The following UBXN7 variants were observed in gnomAD, a reference collection of about 807,000 sequenced individuals.
The protein encoded by UBXN7 is UBX domain-containing protein 7.
In UBXN7, 9 loss-of-function variants were observed where a neutral mutation model predicts 58.0. The ratio of observed to expected loss-of-function variants is 0.16; its 90% CI spans 0.09 to 0.27. The LOEUF is 0.27. Ranked by LOEUF, UBXN7 falls within the 10% of genes least tolerant of loss-of-function variation. UBXN7 has a pLI of 1.00. For missense variants in UBXN7, 328 were observed against 599.6 expected, an observed-to-expected ratio of 0.55 and a Z score of 4.73; for synonymous variants, 208 against 205.0, an observed-to-expected ratio of 1.01 and a Z score of -0.12.
chr3:196,397,019 T>C (rs1277890168), intron 3 of UBXN7, among the ~76,000 whole-genome samples: 1 of 152,134 alleles, frequency 6.6e-6, no homozygotes, highest in Non-Finnish European at 1.5e-5. Context: ...CTAATAACCC[T>C]CTTCCCATTT....
intron 5 of UBXN7, among the ~76,000 whole-genome samples, chr3:196,386,900 C>T (rs570967586): frequency 6.6e-6 from 1 of 152,240 alleles, no homozygotes; most frequent in Non-Finnish European, 1.5e-5. Flanking sequence ...GCCCACATTG[C>T]CAAGACAATC....
rs548793968 is a variant in UBXN7 at position 196,385,655 on chromosome 3, G to A, written c.468+6158C>T. Among the ~76,000 whole-genome samples, 23 of 151,182 alleles carry A rather than the reference G, an allele frequency of 1.5e-4. No homozygotes were observed. The East Asian group carries it at 4.3e-3, about 28-fold the overall frequency. On this transcript the variant is annotated intron_variant, in intron 5 of 10. Coordinates refer to ENST00000296328, the MANE Select transcript of UBXN7 (RefSeq NM_015562.2). The stretch of plus-strand genomic sequence containing the variant: ...AGGTGAGGAGCCTCTCTGACCGGCC[G>A]CCCCCTCTGAGAAGTGAGGAGCCCC...
chr3:196,378,578 G>GT (rs1325427931), intron 5 of UBXN7, among the ~76,000 whole-genome samples: 2 of 152,210 alleles, frequency 1.3e-5, no homozygotes, highest in Non-Finnish European at 2.9e-5. Context: ...TTACTTATGA[G>GT]TTTTCCAGGA....
chr3:196,385,956 G>C (rs1577451686), intron 5 of UBXN7, among the ~76,000 whole-genome samples: 1 of 152,224 alleles, frequency 6.6e-6, no homozygotes, highest in African/African-American at 2.4e-5. Flanking sequence ...TGTAGGGAAA[G>C]GAAGGAGAGA....
chr3:196,394,500 A>T (rs1185492472), intron 3 of UBXN7, among the ~76,000 whole-genome samples: 1 of 147,684 alleles, frequency 6.8e-6, no homozygotes, highest in Non-Finnish European at 1.5e-5. Context: ...CTACTTGGGA[A>T]GCTGAGGCAG....
chr3:196,389,830 A>C (rs535528578), intron 5 of UBXN7, among the ~76,000 whole-genome samples: 50 of 152,328 alleles, frequency 3.3e-4, no homozygotes, highest in African/African-American at 1.2e-3. Flanking sequence ...CTTCTCCTAA[A>C]TACTTCATGT....
intron 1 of UBXN7, among the ~76,000 whole-genome samples, chr3:196,416,625 A>G (rs1262758418): frequency 1.3e-5 from 2 of 152,158 alleles, no homozygotes; most frequent in Non-Finnish European, 2.9e-5. Context: ...AGGCCTGTCA[A>G]CATTTTAGTC....
chr3:196,373,057 ACTT>A (rs946916851), intron 5 of UBXN7, among the ~76,000 whole-genome samples: 15 of 152,134 alleles, frequency 9.9e-5, no homozygotes, highest in African/African-American at 3.1e-4. Flanking sequence ...AGCCAATTAT[ACTT>A]CTTTTTAATG....
At position 196,361,938 on chromosome 3, in the gene UBXN7, TAAAAA is replaced by T; in HGVS notation, c.1229-20_1229-16del. The T allele has an allele frequency of 7.0e-7, 1 of 1,421,396 alleles. No homozygotes were observed. The highest frequency in any genetic ancestry group is 9.6e-7 in the Non-Finnish European group (1 of 1,043,160). 88.0% of individuals were successfully genotyped at this position (1,421,396 alleles called of 1,614,324 possible). A position where few individuals can be genotyped will look rare whatever the true frequency, so the allele number is the denominator to read the frequency against. ...TGCTTTTGGTCCTAAAGGAAGGGTT[TAAAAA>T]AAAAAAAAAAACGGGATACAGGAGT... On this transcript the variant is annotated splice_polypyrimidine_tract_variant and intron_variant, in intron 9 of 10. Coordinates refer to ENST00000296328, the MANE Select transcript of UBXN7 (RefSeq NM_015562.2).
In UBXN7 at chr3:196,356,013, T is replaced by C. The variant is rs1289261431; in HGVS notation, c.*672A>G. The C allele has an allele frequency of 6.8e-6, 1 of 147,950 alleles. No individual in the cohort carries two copies. Among genetic ancestry groups the C allele is most frequent in the African/African-American group, 2.4e-5 (1 of 40,908 alleles). 9.2% of individuals were successfully genotyped at this position (147,950 alleles called of 1,614,324 possible). ...GTCACCCCATGCTATATGCTCCATA[T>C]TTAACACTCATTCTGCCAATAACAC... On this transcript the variant is annotated 3_prime_UTR_variant, in exon 11 of 11. Coordinates refer to ENST00000296328, the MANE Select transcript of UBXN7 (RefSeq NM_015562.2).
At chr3:196,408,097 CAAA>C (rs71621241) in intron 1 of UBXN7, among the ~76,000 whole-genome samples, 3 of 45,246 alleles carry the variant, frequency 6.6e-5, no homozygotes, top group Non-Finnish European at 1.2e-4. Context: ...GACTCTGTCT[CAAA>C]AAAAAAAAAA....
chr3:196,367,207 A>T (rs915645219), intron 8 of UBXN7, among the ~76,000 whole-genome samples: 1 of 151,926 alleles, frequency 6.6e-6, no homozygotes, highest in Admixed American at 6.6e-5. Context: ...AAAAAAACCA[A>T]CAAAACAAAA....
chr3:196,368,383 C>G (rs1471564533), intron 7 of UBXN7, among the ~76,000 whole-genome samples: 1 of 151,740 alleles, frequency 6.6e-6, no homozygotes, highest in Admixed American at 6.6e-5. Flanking sequence ...GATTAAAAAC[C>G]AGGATCTATA....
intron 1 of UBXN7, among the ~76,000 whole-genome samples, chr3:196,425,964 C>A (rs1030028345): frequency 6.6e-6 from 1 of 152,130 alleles, no homozygotes; most frequent in East Asian, 1.9e-4. Context: ...TTTCTGAGGA[C>A]AGACACCACG....
In UBXN7 at chr3:196,391,918, T is replaced by C. The variant is rs759870808; in HGVS notation, c.363A>G (p.Gln121=). The part of the protein sequence containing the change: ...FRDFQTETIR[Q]EQELRNGGAI... ...CTCCTCCATTTCTTAATTCTTGTTC[T>C]TGCCGAACTATAATACAGAAGGATG... Residue 121 remains glutamine, a synonymous_variant, in exon 5 of 11, where the codon CAA becomes CAG. Coordinates refer to ENST00000296328, the MANE Select transcript of UBXN7 (RefSeq NM_015562.2). 6.2e-7 allele frequency: 1 copy of C among 1,605,940 alleles called. No homozygotes were observed. The highest frequency in any genetic ancestry group is 1.1e-5 in the South Asian group (1 of 90,374).
At chr3:196,358,638 G>C (rs940489846) in intron 10 of UBXN7, among the ~76,000 whole-genome samples, 4 of 152,102 alleles carry the variant, frequency 2.6e-5, no homozygotes, top group Admixed American at 1.3e-4. Context: ...CTACCTGGGA[G>C]GTTGAGGTGG....
In UBXN7 at chr3:196,348,000, A is replaced by T. The variant is rs1728125922; in HGVS notation, c.*8685T>A. On this transcript the variant is annotated 3_prime_UTR_variant, in exon 11 of 11. Coordinates refer to ENST00000296328, the MANE Select transcript of UBXN7 (RefSeq NM_015562.2). ...TCCTTCTGGAAATTATTACCTATAG[A>T]CTAGGTAGATCTATAGGTAGATCAC... 1 of 152,140 alleles carries T rather than the reference A, an allele frequency of 6.6e-6. No individual in the cohort carries two copies. Among genetic ancestry groups the T allele is most frequent in the Non-Finnish European group, 1.5e-5 (1 of 68,042 alleles). The allele number at this position is 152,140 out of a possible 1,614,324, so 9.4% of individuals were successfully genotyped here. A position where few individuals can be genotyped will look rare whatever the true frequency, so the allele number is the denominator to read the frequency against.
chr3:196,398,743 C>A (rs1007850297), intron 3 of UBXN7, among the ~76,000 whole-genome samples: 1 of 152,182 alleles, frequency 6.6e-6, no homozygotes, highest in Non-Finnish European at 1.5e-5. Context: ...CATCTTCTCA[C>A]CCCTCGGCCT....
intron 1 of UBXN7, among the ~76,000 whole-genome samples, chr3:196,411,294 C>CT (rs1188388431): frequency 2.0e-5 from 3 of 152,212 alleles, no homozygotes; most frequent in Non-Finnish European, 4.4e-5. Context: ...TCTCATAGTA[C>CT]TTTAACTCAT....
Sources: allele counts gnomAD v4.1 joint callset (sites outside exome capture counted in the v4.1 genomes callset), GRCh38; gene constraint gnomAD v4.1.1; transcripts MANE v1.5; gene names NCBI Gene and HGNC (gene_info 2026-07-23, HGNC 2026-07-21).